The following CNTN1 variants were observed in gnomAD, a reference collection of about 807,000 sequenced individuals.
CNTN1 encodes the protein contactin-1.
In CNTN1, 38 loss-of-function variants were observed where a neutral mutation model predicts 126.4. The ratio of observed to expected loss-of-function variants is 0.30; its 90% CI spans 0.23 to 0.39. The LOEUF (loss-of-function observed/expected upper bound fraction) is 0.39. Ranked by LOEUF, CNTN1 falls within the 10% of genes least tolerant of loss-of-function variation. CNTN1 has a pLI of 1.00. For missense variants in CNTN1, 1,009 were observed against 1,248.4 expected, an observed-to-expected ratio of 0.81 and a Z score of 2.89; for synonymous variants, 413 against 422.6, an observed-to-expected ratio of 0.98 and a Z score of 0.28.
At chr12:41,013,270 A>G (rs2120720665) in intron 17 of CNTN1, among the ~76,000 whole-genome samples, 1 of 152,240 alleles carries the variant, frequency 6.6e-6, no homozygotes, top group East Asian at 1.9e-4. Context: ...AAGAAAAGGG[A>G]AGATGGAGCC....
chr12:40,924,589 G>A lies in CNTN1; in HGVS notation c.433G>A (p.Glu145Lys). ...LDPFPPEERP[E>K]VRVKEGKGMV... Reference sequence around the variant, plus strand: ...TCCTTTCCCACCTGAGGAACGTCCTGAGGTCAGAGTAAAAGAAGGGAAAGG... The same window carrying A: ...TCCTTTCCCACCTGAGGAACGTCCTAAGGTCAGAGTAAAAGAAGGGAAAGG... Residue 145 changes from glutamate (E) to lysine (K), a missense_variant, in exon 6 of 24, where the codon GAG becomes AAG. Transcript: ENST00000551295. 2 of 1,605,578 alleles carry A rather than the reference G, an allele frequency of 1.2e-6. No homozygotes were observed. Among genetic ancestry groups the A allele is most frequent in the Non-Finnish European group, 1.7e-6 (2 of 1,172,880 alleles).
intron 1 of CNTN1, among the ~76,000 whole-genome samples, chr12:40,739,966 G>A (rs1484706616): frequency 6.6e-6 from 1 of 152,048 alleles, no homozygotes. Context: ...ACTTTACAGT[G>A]TAAAGAAATC....
chr12:40,929,336 G>GTA lies in CNTN1; in HGVS notation c.497-460_497-459insTA, dbSNP rs1555182701. 8.9e-3 allele frequency among the ~76,000 whole-genome samples: 1,329 copies of GTA among 148,764 alleles called. 22 individuals are homozygous for GTA. The highest frequency in any genetic ancestry group is 0.031 in the African/African-American group (1,246 of 40,416). ...TCATTTCTAACTCTATAAAATAGGT[G>GTA]CACACACACACACACACAAAAAAAA... On this transcript the variant is annotated intron_variant, in intron 6 of 23. Transcript: ENST00000551295.
At chr12:41,030,706 A>C (rs1024065234) in intron 23 of CNTN1, among the ~76,000 whole-genome samples, 1 of 152,166 alleles carries the variant, frequency 6.6e-6, no homozygotes, top group African/African-American at 2.4e-5. Flanking sequence ...GGTTAAATTT[A>C]AGACAAAGTG....
At chr12:40,770,327 A>G (rs542583294) in intron 1 of CNTN1, among the ~76,000 whole-genome samples, 10 of 152,280 alleles carry the variant, frequency 6.6e-5, no homozygotes, top group Non-Finnish European at 1.5e-4. Flanking sequence ...GAAAATTTTC[A>G]GAGGAAATCA....
intron 15 of CNTN1, 118 bp downstream of exon 15, chr12:40,959,352 C>A: frequency 9.4e-7 from 1 of 1,069,418 alleles, no homozygotes; most frequent in Non-Finnish European, 1.4e-6. Context: ...CAATCCCATG[C>A]TTAAGAATGG....
chr12:40,835,972 G>T (rs1942033730), intron 1 of CNTN1, among the ~76,000 whole-genome samples: 1 of 136,288 alleles, frequency 7.3e-6, no homozygotes, highest in Non-Finnish European at 1.6e-5. Flanking sequence ...TTTGGTGGAT[G>T]AACAGGTATA....
At chr12:40,899,482 T>C (rs1043630539) in intron 1 of CNTN1, among the ~76,000 whole-genome samples, 15 of 152,350 alleles carry the variant, frequency 9.8e-5, no homozygotes, top group African/African-American at 3.6e-4. Context: ...TTATTCATCA[T>C]GTAGACCAAA....
At chr12:40,750,115 A>C (rs1011470815) in intron 1 of CNTN1, among the ~76,000 whole-genome samples, 1 of 152,110 alleles carries the variant, frequency 6.6e-6, no homozygotes, top group Non-Finnish European at 1.5e-5. Flanking sequence ...TGGAGACAGT[A>C]TTAACAGCTC....
At chr12:40,942,524 C>T (rs1471034635) in intron 12 of CNTN1, among the ~76,000 whole-genome samples, 1 of 152,122 alleles carries the variant, frequency 6.6e-6, no homozygotes, top group East Asian at 1.9e-4. Context: ...TTTAAAATTC[C>T]TCCCATGGTC....
chr12:40,794,919 T>C (rs1339866659), intron 1 of CNTN1, among the ~76,000 whole-genome samples: 1 of 152,132 alleles, frequency 6.6e-6, no homozygotes, highest in Non-Finnish European at 1.5e-5. Context: ...GTTGTGATTA[T>C]TAATTTTATG....
At chr12:40,694,301 A>G (rs1941390116) in intron 1 of CNTN1, among the ~76,000 whole-genome samples, 1 of 152,150 alleles carries the variant, frequency 6.6e-6, no homozygotes, top group East Asian at 1.9e-4. Flanking sequence ...TTCATATCAC[A>G]TCTATTTGTA....
At chr12:40,958,686 A>G (rs551924433) in intron 14 of CNTN1, among the ~76,000 whole-genome samples, 38 of 152,194 alleles carry the variant, frequency 2.5e-4, no homozygotes, top group Admixed American at 4.6e-4. Flanking sequence ...TGTGGCACAT[A>G]TTAAAACTAG....
intron 20 of CNTN1, 84 bp from the exon 21 acceptor site, chr12:41,025,066 G>C: frequency 7.8e-7 from 1 of 1,283,572 alleles, no homozygotes; most frequent in Non-Finnish European, 1.1e-6. Flanking sequence ...CAACACCAAT[G>C]GTAATAGAAC....
At chr12:40,706,770 C>T (rs1225160152) in intron 1 of CNTN1, among the ~76,000 whole-genome samples, 8 of 152,144 alleles carry the variant, frequency 5.3e-5, no homozygotes, top group Non-Finnish European at 8.8e-5. Context: ...AATATATGTG[C>T]TGTATAACTG....
At chr12:40,723,300 C>G (rs757224288) in intron 1 of CNTN1, among the ~76,000 whole-genome samples, 10 of 152,174 alleles carry the variant, frequency 6.6e-5, no homozygotes, top group African/African-American at 1.2e-4. Context: ...TAAATTGTTC[C>G]ATAATCTTTT....
chr12:40,738,948 C>T (rs1937815629), intron 1 of CNTN1, among the ~76,000 whole-genome samples: 1 of 152,022 alleles, frequency 6.6e-6, no homozygotes, highest in African/African-American at 2.4e-5. Flanking sequence ...TAGATTCAAC[C>T]TAGCAACTTC....
intron 23 of CNTN1, among the ~76,000 whole-genome samples, chr12:41,049,603 T>G (rs1949626781): frequency 6.6e-6 from 1 of 152,242 alleles, no homozygotes; most frequent in Admixed American, 6.5e-5. Context: ...ACCATCTAAT[T>G]GTGCTCTTCG....
At chr12:40,937,496 A>G in intron 10 of CNTN1, 74 bp from the exon 11 acceptor site, 1 of 1,009,312 alleles carries the variant, frequency 9.9e-7, no homozygotes, top group Non-Finnish European at 1.6e-6. Context: ...TGAAAAGACA[A>G]CCAAACCCAG....
Sources: allele counts gnomAD v4.1 joint callset (sites outside exome capture counted in the v4.1 genomes callset), GRCh38; gene constraint gnomAD v4.1.1; transcripts MANE v1.5; gene names NCBI Gene and HGNC (gene_info 2026-07-23, HGNC 2026-07-21).